The following SMARCA1 variants were observed in gnomAD, a reference collection of about 807,000 sequenced individuals.
The protein encoded by SMARCA1 is SNF2 related chromatin remodeling ATPase 1.
SMARCA1 carries 17 observed loss-of-function variants against 93.6 expected under a neutral mutation model. The observed-to-expected ratio is 0.18, with a 90% CI of 0.12 to 0.27. The LOEUF is 0.27. SMARCA1 is among the 10% of genes least tolerant of loss of function. The pLI, the probability that SMARCA1 is intolerant of heterozygous loss-of-function variation, is 1.00. For missense variants in SMARCA1, 630 were observed against 819.0 expected (o/e 0.77, Z 2.82); for synonymous variants, 271 against 271.4 (o/e 1.00, Z 0.01).
intron 10 of SMARCA1, 25 bp from the exon 11 acceptor site, chrX:129,498,096 C>A (rs1165218017): frequency 1.1e-6 from 1 of 869,748 alleles, no homozygotes; most frequent in East Asian, 3.2e-5. Context: ...TATAATTAAT[C>A]ATCAATTACT....
At chrX:129,506,235 G>T in intron 7 of SMARCA1, 24 bp from the exon 8 acceptor site, 2 of 1,080,471 alleles carry the variant, frequency 1.9e-6, no homozygotes, top group Non-Finnish European at 2.6e-6. Flanking sequence ...CTCATATGAG[G>T]ATTATTTTAC....
At position 129,488,920 on chromosome X, in the gene SMARCA1, A is replaced by C; in HGVS notation, c.2097+17T>G. Reference sequence around the variant, plus strand: ...TAAAACAATCCAGCATGAAAATAAAATGCTATTTTAACTAACCTTCTTTTC... The same window carrying C: ...TAAAACAATCCAGCATGAAAATAAACTGCTATTTTAACTAACCTTCTTTTC... On this transcript the variant is annotated intron_variant, in intron 16 of 24. Coordinates refer to ENST00000371121, the MANE Select transcript of SMARCA1 (RefSeq NM_001282874.2). 9.2e-7 allele frequency: 1 copy of C among 1,082,869 alleles called. No individual in the cohort carries two copies. Among genetic ancestry groups the C allele is most frequent in the Non-Finnish European group, 1.3e-6 (1 of 788,254 alleles). The allele number at this position is 1,082,869 out of a possible 1,213,427, so 89.2% of individuals were successfully genotyped here. A position where few individuals can be genotyped will look rare whatever the true frequency, so the allele number is the denominator to read the frequency against.
chrX:129,517,116 T>C (rs1935232162), intron 2 of SMARCA1, among the ~76,000 whole-genome samples: 1 of 111,319 alleles, frequency 9.0e-6, no homozygotes, highest in Non-Finnish European at 1.9e-5. Context: ...GCTAGTAGCG[T>C]ATAAACTTTC....
chrX:129,473,201 T>G (rs1391698797), intron 19 of SMARCA1, among the ~76,000 whole-genome samples: 3 of 111,474 alleles, frequency 2.7e-5, no homozygotes, highest in Non-Finnish European at 5.6e-5. Context: ...TGTCAAAATG[T>G]AGTGTTTTCA....
At position 129,504,564 on chromosome X, in the gene SMARCA1, A is replaced by AAAAC. The variant is rs1569446087; in HGVS notation, c.1167+169_1167+170insGTTT. On this transcript the variant is annotated intron_variant, in intron 9 of 24. Transcript: ENST00000371121. ...CATAGAGGAATAAAAAAAAAAAAAA[A>AAAAC]AAAAAAAAAAAAAAAAACAAAGAGG... 2.0e-3 allele frequency among the ~76,000 whole-genome samples: 198 copies of AAAAC among 97,406 alleles called. 1 individual carries two copies. The highest frequency in any genetic ancestry group is 7.8e-3 in the African/African-American group (185 of 23,710). 84.6% of individuals were successfully genotyped at this position (97,406 alleles called of 115,157 possible). A position where few individuals can be genotyped will look rare whatever the true frequency, so the allele number is the denominator to read the frequency against.
chrX:129,486,857 A>G (rs1236447389), intron 17 of SMARCA1, among the ~76,000 whole-genome samples, 161 bp downstream of exon 17: 1 of 111,299 alleles, frequency 9.0e-6, no homozygotes, highest in Non-Finnish European at 1.9e-5. Flanking sequence ...CGATAAACCA[A>G]TAAAATAAAC....
Position 129,506,179 on chromosome X carries a change from A to T in SMARCA1, c.999T>A (p.Thr333=). 1 of 1,194,178 alleles carries T rather than the reference A, an allele frequency of 8.4e-7. No individual in the cohort carries two copies. Among genetic ancestry groups the T allele is most frequent in the South Asian group, 1.8e-5 (1 of 56,359 alleles). The part of the protein sequence containing the change: ...LSEIVREFKS[T]NRLLLTGTPL... The stretch of plus-strand genomic sequence containing the variant: ...GTGTTCCAGTTAGGAGCAAGCGGTT[A>T]GTCGACTTGAACTCACGAACAATCT... Residue 333 remains threonine (T), a synonymous_variant, in exon 8 of 25, where the codon ACT becomes ACA. Coordinates refer to ENST00000371121, the MANE Select transcript of SMARCA1 (RefSeq NM_001282874.2).
At chrX:129,455,040 AGT>A (rs1932538217) in intron 23 of SMARCA1, among the ~76,000 whole-genome samples, 1 of 111,747 alleles carries the variant, frequency 8.9e-6, no homozygotes, top group Non-Finnish European at 1.9e-5. Context: ...TGTGGAAGAC[AGT>A]GTGGCAATTC....
chrX:129,517,429 C>A (rs754331568), intron 2 of SMARCA1, among the ~76,000 whole-genome samples: 6 of 110,497 alleles, frequency 5.4e-5, no homozygotes, highest in African/African-American at 2.0e-4. Flanking sequence ...TAATTAATAA[C>A]CCAGAAAACT....
intron 17 of SMARCA1, among the ~76,000 whole-genome samples, chrX:129,483,013 C>A (rs1317769546): frequency 8.9e-6 from 1 of 111,987 alleles, no homozygotes; most frequent in East Asian, 2.8e-4. Context: ...AAGACAGACA[C>A]AACGGTGACA....
intron 5 of SMARCA1, among the ~76,000 whole-genome samples, chrX:129,514,096 G>C (rs993458746): frequency 2.5e-4 from 28 of 112,881 alleles, no homozygotes; most frequent in African/African-American, 8.0e-4. Flanking sequence ...GGGAGGCCAA[G>C]GCGGGAGGAT....
chrX:129,508,497 A>G (rs1332509953), intron 6 of SMARCA1, among the ~76,000 whole-genome samples: 1 of 112,550 alleles, frequency 8.9e-6, no homozygotes, highest in Non-Finnish European at 1.9e-5. Flanking sequence ...AACATGATAC[A>G]GTTTCAACAA....
In SMARCA1 at chrX:129,497,941, C is replaced by A; in HGVS notation, c.1408G>T (p.Glu470Ter). The A allele has an allele frequency of 8.3e-7, 1 of 1,204,810 alleles. No individual in the cohort carries two copies. The highest frequency in any genetic ancestry group is 1.1e-6 in the Non-Finnish European group (1 of 889,105). ...CNHPYLFDGA[E>*]PGPPYTTDEH... ...TCAGTGGTATAAGGTGGACCAGGTT[C>A]AGCACCATCAAACAGATATGGATGA... Residue 470 changes from glutamate to a stop codon, truncating the protein, a stop_gained, in exon 11 of 25, where the codon GAA becomes TAA. Transcript: ENST00000371121. LOFTEE classifies it high-confidence loss of function.
At chrX:129,514,734 A>T (rs1426492899) in intron 5 of SMARCA1, among the ~76,000 whole-genome samples, 1 of 111,795 alleles carries the variant, frequency 8.9e-6, no homozygotes, top group Non-Finnish European at 1.9e-5. Context: ...AGACAGAAGG[A>T]CACACAGGGC....
At chrX:129,502,281 G>T (rs1194224779) in intron 9 of SMARCA1, among the ~76,000 whole-genome samples, 7 of 111,562 alleles carry the variant, frequency 6.3e-5, no homozygotes, top group Middle Eastern at 9.3e-3. Context: ...GGGAGAGCAT[G>T]TACGAAAGTC....
chrX:129,513,553 AAAGT>A (rs1321335444), intron 5 of SMARCA1, among the ~76,000 whole-genome samples: 46 of 105,877 alleles, frequency 4.3e-4, no homozygotes, highest in Non-Finnish European at 1.9e-5. Flanking sequence ...TATATTAAAA[AAAGT>A]AAGTATATAT....
At chrX:129,488,286 CAAAAAAAAAA>C in intron 16 of SMARCA1, among the ~76,000 whole-genome samples, 1 of 46,701 alleles carries the variant, frequency 2.1e-5, no homozygotes, top group East Asian at 6.1e-4. Flanking sequence ...TAGTCCAGTG[CAAAAAAAAAA>C]AAAAAAAAAA....
chrX:129,491,498 CT>C (rs1423683159), intron 14 of SMARCA1, among the ~76,000 whole-genome samples: 1 of 111,391 alleles, frequency 9.0e-6, no homozygotes, highest in Non-Finnish European at 1.9e-5. Flanking sequence ...CCTTTCTTAC[CT>C]TTTTGCCTTC....
chrX:129,484,072 T>C (rs866513901), intron 17 of SMARCA1, among the ~76,000 whole-genome samples: 1 of 112,097 alleles, frequency 8.9e-6, no homozygotes, highest in Non-Finnish European at 1.9e-5. Flanking sequence ...CAAGTCATCA[T>C]GGTTATTAAA....
Sources: gnomAD v4.1 joint callset for allele counts (sites outside exome capture counted in the v4.1 genomes callset) on GRCh38, gnomAD v4.1.1 for gene constraint, MANE v1.5 for transcripts, NCBI Gene and HGNC (gene_info 2026-07-23, HGNC 2026-07-21) for gene names.